The following PIGB variants were observed in gnomAD, a reference collection of about 807,000 sequenced individuals.
PIGB encodes the protein GPI alpha-1,2-mannosyltransferase 3.
Under a neutral mutation model 68.4 loss-of-function variants are expected in PIGB, and 58 were observed. That is an observed-to-expected ratio of 0.85 (90% CI 0.69 to 1.06). The LOEUF (loss-of-function observed/expected upper bound fraction) is 1.06, where lower values mean the gene tolerates loss of function less well. PIGB is among the 50% of genes least tolerant of loss of function. The pLI, the probability that PIGB is intolerant of heterozygous loss-of-function variation, is 0.00. For synonymous variants in PIGB, 219 were observed against 220.5 expected, an observed-to-expected ratio of 0.99 and a Z score of 0.06; for missense variants, 634 against 655.8, an observed-to-expected ratio of 0.97 and a Z score of 0.36.
chr15:55,322,357 C>A (rs1228698831), intron 3 of PIGB, among the ~76,000 whole-genome samples: 2 of 152,158 alleles, frequency 1.3e-5, no homozygotes, highest in East Asian at 1.9e-4. Context: ...TCTGCATAAT[C>A]ATCGTCCTAT....
chr15:55,355,199 C>A, intron 11 of PIGB, 87 bp from the exon 12 acceptor site: 1 of 1,071,216 alleles, frequency 9.3e-7, no homozygotes, highest in Non-Finnish European at 1.4e-6. Context: ...TTGTAGACAG[C>A]AATTAGAATA....
intron 5 of PIGB, among the ~76,000 whole-genome samples, chr15:55,331,394 A>G (rs1031867329): frequency 6.6e-6 from 1 of 152,082 alleles, no homozygotes; most frequent in Non-Finnish European, 1.5e-5. Flanking sequence ...TGACAATAAA[A>G]TGACATTTTG....
intron 9 of PIGB, among the ~76,000 whole-genome samples, chr15:55,348,683 G>A (rs1231872783): frequency 6.6e-6 from 1 of 152,164 alleles, no homozygotes; most frequent in Non-Finnish European, 1.5e-5. Flanking sequence ...GCCATGAGTG[G>A]AAGCAGCCTG....
In PIGB at chr15:55,355,343, A is replaced by T. The variant is rs1207809912; in HGVS notation, c.1576A>T (p.Thr526Ser). The change falls in exon 12 of 12, where the codon ACT becomes TCT. Residue 526 changes from threonine (T) to serine (S), a missense_variant. Thr to Ser is a moderately conservative substitution (Grantham distance 58). Transcript: ENST00000164305. ...TAAAAGAACTGCTGTTTTCTTCCAC[A>T]CTCACTTGCCAGAGGGTCGAATTGG... ...NYKRTAVFFH[T>S]HLPEGRIGSH... 2.5e-6 allele frequency: 4 copies of T among 1,610,728 alleles called. No individual in the cohort carries two copies. The East Asian group carries it at 8.9e-5, about 36-fold the overall frequency.
At chr15:55,347,171 C>T (rs549442998) in intron 9 of PIGB, among the ~76,000 whole-genome samples, 7 of 152,356 alleles carry the variant, frequency 4.6e-5, no homozygotes, top group Admixed American at 1.3e-4. Context: ...CTGTGGCTCA[C>T]GCCTGTAATC....
At chr15:55,345,826 AGT>A (rs1469880324) in intron 9 of PIGB, among the ~76,000 whole-genome samples, 1 of 152,170 alleles carries the variant, frequency 6.6e-6, no homozygotes, top group Non-Finnish European at 1.5e-5. Flanking sequence ...AGTAGTTCAA[AGT>A]CTCTCTTTCC....
At chr15:55,332,217 G>A (rs1441222956) in intron 5 of PIGB, among the ~76,000 whole-genome samples, 1 of 151,482 alleles carries the variant, frequency 6.6e-6, no homozygotes, top group African/African-American at 2.4e-5. Context: ...TAGTGATCCA[G>A]CTGCCTCGGC....
chr15:55,325,169 T>G (rs1229822465), intron 3 of PIGB, among the ~76,000 whole-genome samples: 1 of 151,830 alleles, frequency 6.6e-6, no homozygotes, highest in Non-Finnish European at 1.5e-5. Context: ...CTACTAAAAA[T>G]AGAAAAATTA....
At chr15:55,338,723 G>C (rs1266187635) in intron 6 of PIGB, among the ~76,000 whole-genome samples, 1 of 152,124 alleles carries the variant, frequency 6.6e-6, no homozygotes, top group Non-Finnish European at 1.5e-5. Context: ...ACTCTTGGCT[G>C]ACTTACCCTG....
chr15:55,334,153 T>TAA (rs1204685990), intron 6 of PIGB, 146 bp downstream of exon 6: 1 of 483,188 alleles, frequency 2.1e-6, no homozygotes, highest in Non-Finnish European at 3.4e-6. Flanking sequence ...ATGCAAAACT[T>TAA]ATATTTTTTA....
chr15:55,351,869 T>A (rs552213226), intron 10 of PIGB: 9 of 52,512 alleles, frequency 1.7e-4, no homozygotes, highest in African/African-American at 8.2e-4. Flanking sequence ...CAAGACTCTG[T>A]CTCCAAAAAA....
intron 9 of PIGB, chr15:55,343,436 T>C (rs554662501): frequency 2.6e-5 from 4 of 152,162 alleles, no homozygotes; most frequent in African/African-American, 7.2e-5. Context: ...AAGGCAAATG[T>C]TTTTGTGTGC....
At chr15:55,338,469 AC>A (rs2055587969) in intron 6 of PIGB, among the ~76,000 whole-genome samples, 6 of 151,912 alleles carry the variant, frequency 3.9e-5, no homozygotes, top group Admixed American at 3.9e-4. Flanking sequence ...ATATAGTGAG[AC>A]CCCATCTCTA....
At chr15:55,333,396 G>T (rs968783350) in intron 5 of PIGB, among the ~76,000 whole-genome samples, 3 of 152,096 alleles carry the variant, frequency 2.0e-5, no homozygotes, top group Admixed American at 1.3e-4. Flanking sequence ...AGGAGTTTGA[G>T]ACCAGCCTGG....
chr15:55,329,637 T>A (rs765499240), intron 4 of PIGB, 87 bp from the exon 5 acceptor site: 55 of 1,067,892 alleles, frequency 5.2e-5, no homozygotes, highest in Non-Finnish European at 6.8e-5. Context: ...TTCACAATAT[T>A]TAGACTTGCT....
chr15:55,343,945 T>A (rs541092910), intron 9 of PIGB, among the ~76,000 whole-genome samples: 33 of 152,182 alleles, frequency 2.2e-4, no homozygotes, highest in Non-Finnish European at 4.0e-4. Context: ...TAGACAGAAA[T>A]CTCTGGACAT....
chr15:55,336,833 C>CA (rs900091109), intron 6 of PIGB, among the ~76,000 whole-genome samples: 7 of 152,110 alleles, frequency 4.6e-5, no homozygotes, highest in African/African-American at 1.7e-4. Flanking sequence ...GCTAAAAATA[C>CA]AAAAAAATTA....
chr15:55,350,091 CA>C (rs1438371248), intron 9 of PIGB: 1 of 152,144 alleles, frequency 6.6e-6, no homozygotes, highest in African/African-American at 2.4e-5. Context: ...AATTGTTCAG[CA>C]TCTCCAAATT....
At chr15:55,350,025 G>T (rs2141217128) in intron 9 of PIGB, 1 of 151,940 alleles carries the variant, frequency 6.6e-6, no homozygotes, top group African/African-American at 2.4e-5. Flanking sequence ...TTTTCCTTTG[G>T]TTTTTTGTTT....
Sources: allele counts gnomAD v4.1 joint callset (sites outside exome capture counted in the v4.1 genomes callset), GRCh38; gene constraint gnomAD v4.1.1; transcripts MANE v1.5; gene names NCBI Gene and HGNC (gene_info 2026-07-23, HGNC 2026-07-21).